Variants in STRN observed in about 807,000 individuals in gnomAD.
The protein encoded by STRN is protein phosphatase 2 regulatory subunit B'''alpha.
In STRN, 53 loss-of-function variants were observed where a neutral mutation model predicts 96.3. The ratio of observed to expected loss-of-function variants is 0.55; its 90% CI spans 0.44 to 0.69. The LOEUF (loss-of-function observed/expected upper bound fraction) is 0.69, where lower values mean the gene tolerates loss of function less well. Among genes scored for constraint, STRN ranks in the 30% least tolerant of loss-of-function variants. The probability of loss-of-function intolerance (pLI) is 0.00; values close to 1 mark genes in which losing one functional copy is unlikely to be tolerated. For missense variants in STRN, 987 were observed against 963.9 expected, an observed-to-expected ratio of 1.02 and a Z score of -0.32; for synonymous variants, 428 against 355.9, an observed-to-expected ratio of 1.20 and a Z score of -2.28.
intron 9 of STRN, 81 bp downstream of exon 9, chr2:36,883,851 T>C (rs1669141904): frequency 8.8e-6 from 11 of 1,252,736 alleles, no homozygotes; most frequent in Middle Eastern, 2.3e-4. Flanking sequence ...TTCTCTCTAA[T>C]AGGAGAGGCC....
Position 36,855,251 on chromosome 2 carries a change from G to T in STRN, c.1939C>A (p.Gln647Lys), listed in dbSNP as rs768714440. ...GATTCTAAAGTGAGAATGCGTTGTT[G>T]TGTTTCCATGTTAAAAATGCTTGTA... Reference protein sequence around the residue: ...GYTSIFNMETQQRILTLESNV... With the variant: ...GYTSIFNMETKQRILTLESNV... The change falls in exon 15 of 18, where the codon CAA becomes AAA. Residue 647 changes from glutamine (Q) to lysine (K), a missense_variant. Physicochemically the swap from Gln to Lys is moderately conservative, Grantham distance 53. Transcript: ENST00000263918. The T allele has an allele frequency of 3.1e-6, 5 of 1,613,710 alleles. No individual in the cohort carries two copies. The Admixed American group carries it at 5.0e-5, about 16-fold the overall frequency.
At chr2:36,913,014 A>C (rs759773804) in intron 3 of STRN, among the ~76,000 whole-genome samples, 4 of 152,236 alleles carry the variant, frequency 2.6e-5, no homozygotes, top group Non-Finnish European at 4.4e-5. Flanking sequence ...ATATATAAAA[A>C]GAACTAGTTC....
At chr2:36,916,495 T>C (rs576416252) in intron 2 of STRN, among the ~76,000 whole-genome samples, 24 of 148,704 alleles carry the variant, frequency 1.6e-4, no homozygotes, top group Non-Finnish European at 3.6e-4. Context: ...TCAAAAACAG[T>C]TAAAAAAAAA....
intron 1 of STRN, among the ~76,000 whole-genome samples, chr2:36,964,181 G>A (rs546583772): frequency 1.5e-5 from 1 of 66,552 alleles, no homozygotes; most frequent in Non-Finnish European, 2.7e-5. Context: ...TGAACGGGGC[G>A]GGGCGGGGGG....
At chr2:36,933,127 C>T (rs1670616799) in intron 1 of STRN, among the ~76,000 whole-genome samples, 2 of 151,424 alleles carry the variant, frequency 1.3e-5, no homozygotes, top group South Asian at 2.1e-4. Flanking sequence ...AGTTCTACAC[C>T]TGCAGATTCA....
intron 10 of STRN, among the ~76,000 whole-genome samples, chr2:36,870,006 T>C (rs572675063): frequency 6.6e-6 from 1 of 152,288 alleles, no homozygotes; most frequent in African/African-American, 2.4e-5. Flanking sequence ...TAGATCTTAC[T>C]AGGATGATAA....
chr2:36,839,017 C>T lies in STRN; in HGVS notation c.*10439G>A, dbSNP rs1376889172. On this transcript the variant is annotated 3_prime_UTR_variant, in exon 18 of 18. Coordinates refer to ENST00000263918, the MANE Select transcript of STRN (RefSeq NM_003162.4). ...CACATTATATTAGAAAAAGCAAGTG[C>T]AGCATAATATGTAGAATAAAACCCC... 3.3e-5 allele frequency among the ~76,000 whole-genome samples: 5 copies of T among 152,182 alleles called. No individual in the cohort carries two copies. The East Asian group carries it at 9.6e-4, about 29-fold the overall frequency.
At chr2:36,892,818 C>G (rs1203673565) in intron 7 of STRN, among the ~76,000 whole-genome samples, 1 of 152,124 alleles carries the variant, frequency 6.6e-6, no homozygotes, top group Non-Finnish European at 1.5e-5. Context: ...GTTAGGAATT[C>G]GAGACCAGCC....
rs544555544 is a variant in STRN, at chr2:36,839,126, G to A, written c.*10330C>T. Among the ~76,000 whole-genome samples, 1 of 152,140 alleles carries A rather than the reference G, an allele frequency of 6.6e-6. No homozygotes were observed. Among genetic ancestry groups the A allele is most frequent in the African/African-American group, 2.4e-5 (1 of 41,426 alleles). ...AGGTAGGAATGAAGGGGTATGATGG[G>A]ACATGCTTCGTTTTGCCATTATGAA... On this transcript the variant is annotated 3_prime_UTR_variant, in exon 18 of 18. Coordinates refer to ENST00000263918, the MANE Select transcript of STRN (RefSeq NM_003162.4).
chr2:36,936,231 T>C (rs1264056658), intron 1 of STRN, among the ~76,000 whole-genome samples: 2 of 152,188 alleles, frequency 1.3e-5, no homozygotes, highest in Non-Finnish European at 2.9e-5. Flanking sequence ...GAGACACCAT[T>C]CCTGGACAGT....
At chr2:36,932,202 TG>T (rs1462433227) in intron 1 of STRN, among the ~76,000 whole-genome samples, 1 of 152,194 alleles carries the variant, frequency 6.6e-6, no homozygotes, top group African/African-American at 2.4e-5. Flanking sequence ...TTGCCCAGGC[TG>T]GAGTACAGTG....
intron 6 of STRN, among the ~76,000 whole-genome samples, chr2:36,896,506 C>T (rs1382375218): frequency 1.3e-5 from 2 of 152,014 alleles, no homozygotes; most frequent in South Asian, 2.1e-4. Context: ...ATAGAAGGTT[C>T]CACTCCACTT....
intron 1 of STRN, 37 bp downstream of exon 1, chr2:36,966,193 G>A (rs1299311829): frequency 1.1e-5 from 17 of 1,506,216 alleles, no homozygotes; most frequent in Non-Finnish European, 1.5e-5. Flanking sequence ...GGAGCAAAGA[G>A]GCGGGATGAA....
intron 2 of STRN, among the ~76,000 whole-genome samples, chr2:36,920,587 G>A (rs1670226693): frequency 6.7e-6 from 1 of 149,690 alleles, no homozygotes; most frequent in African/African-American, 2.5e-5. Flanking sequence ...GCAGTGAGCT[G>A]AGATCGTGCC....
In STRN at chr2:36,848,906, T is replaced by C. The variant is rs939601301; in HGVS notation, c.*550A>G. On this transcript the variant is annotated 3_prime_UTR_variant, in exon 18 of 18. Coordinates refer to ENST00000263918, the MANE Select transcript of STRN (RefSeq NM_003162.4). ...CAGGTAAAATGCTTTGCCAGGTGCT[T>C]TATGTGAACAGCTGAAAGGAGAGTC... is the stretch of plus-strand genomic sequence containing the variant. 14 of 152,810 alleles carry C rather than the reference T, an allele frequency of 9.2e-5. No individual in the cohort carries two copies. The highest frequency in any genetic ancestry group is 3.1e-4 in the African/African-American group (13 of 41,452). 9.5% of individuals were successfully genotyped at this position (152,810 alleles called of 1,614,324 possible).
intron 1 of STRN, among the ~76,000 whole-genome samples, chr2:36,942,511 G>A (rs2148255346): frequency 6.6e-6 from 1 of 152,216 alleles, no homozygotes; most frequent in African/African-American, 2.4e-5. Context: ...TGCTCTTGAT[G>A]CATATAGAAT....
intron 8 of STRN, 93 bp from the exon 9 acceptor site, chr2:36,884,168 T>C (rs1669151159): frequency 2.7e-6 from 3 of 1,109,314 alleles, no homozygotes; most frequent in South Asian, 4.6e-5. Context: ...TTATTTTCCA[T>C]CTGTCAATAT....
chr2:36,898,993 G>A (rs540583066), intron 6 of STRN, among the ~76,000 whole-genome samples: 137 of 152,214 alleles, frequency 9.0e-4, no homozygotes, highest in Non-Finnish European at 1.6e-3. Flanking sequence ...TGGCTACTTC[G>A]AGACATCTCT....
rs1015076289 is a variant in STRN at position 36,844,730 on chromosome 2, T to G, written c.*4726A>C. On this transcript the variant is annotated 3_prime_UTR_variant, in exon 18 of 18. Transcript: ENST00000263918. ...CTGAAAGGATCTGTTAAATACTTTG[T>G]CAACCTGGCATCCCTGACACTGACA... 4 of 152,148 alleles carry G rather than the reference T, an allele frequency of 2.6e-5. No homozygotes were observed. Among genetic ancestry groups the G allele is most frequent in the Non-Finnish European group, 4.4e-5 (3 of 68,004 alleles). The allele number at this position is 152,148 out of a possible 1,614,324, so 9.4% of individuals were successfully genotyped here. A position where few individuals can be genotyped will look rare whatever the true frequency, so the allele number is the denominator to read the frequency against.
Sources: allele counts gnomAD v4.1 joint callset (sites outside exome capture counted in the v4.1 genomes callset), GRCh38; gene constraint gnomAD v4.1.1; transcripts MANE v1.5; gene names NCBI Gene and HGNC (gene_info 2026-07-23, HGNC 2026-07-21).